MPP7: variants seen among roughly 807,000 people sequenced by gnomAD.
MPP7 encodes MAGUK p55 scaffold protein 7, also known as MAGUK p55 subfamily member 7.
MPP7 carries 60 observed loss-of-function variants against 76.5 expected under a neutral mutation model. That is an observed-to-expected ratio of 0.78 (90% CI 0.64 to 0.97). The LOEUF (loss-of-function observed/expected upper bound fraction) is 0.97, where lower values mean the gene tolerates loss of function less well. Among genes scored for constraint, MPP7 ranks in the 50% least tolerant of loss-of-function variants. The probability of loss-of-function intolerance (pLI) is 0.00; values close to 1 mark genes in which losing one functional copy is unlikely to be tolerated. For missense variants in MPP7, 641 were observed against 694.0 expected, an observed-to-expected ratio of 0.92 and a Z score of 0.86; for synonymous variants, 237 against 244.5, an observed-to-expected ratio of 0.97 and a Z score of 0.29.
intron 5 of MPP7, among the ~76,000 whole-genome samples, chr10:28,146,354 C>T (rs1220795645): frequency 6.6e-6 from 1 of 150,850 alleles, no homozygotes; most frequent in Non-Finnish European, 1.5e-5. Context: ...CTTACATTTA[C>T]TTATAGGGAT....
At chr10:28,325,038 A>T (rs1009138641) in intron 2 of MPP7, among the ~76,000 whole-genome samples, 50 of 152,262 alleles carry the variant, frequency 3.3e-4, no homozygotes, top group African/African-American at 1.2e-3. Context: ...GACTACAGAC[A>T]CATGCCACTT....
intron 3 of MPP7, among the ~76,000 whole-genome samples, chr10:28,165,424 T>G: frequency 6.6e-6 from 1 of 150,408 alleles, no homozygotes; most frequent in Non-Finnish European, 1.5e-5. Flanking sequence ...TTCTCAGGAG[T>G]CTTAGGTGGG....
chr10:28,072,191 T>C (rs902900198), intron 12 of MPP7, among the ~76,000 whole-genome samples: 1 of 152,070 alleles, frequency 6.6e-6, no homozygotes, highest in African/African-American at 2.4e-5. Flanking sequence ...GGAGAATTGC[T>C]TGAACCAGGG....
At chr10:28,299,933 A>AT (rs1410954650) in intron 1 of MPP7, among the ~76,000 whole-genome samples, 4 of 151,714 alleles carry the variant, frequency 2.6e-5, no homozygotes, top group African/African-American at 7.3e-5. Flanking sequence ...CGCCCGGCTA[A>AT]TTTTTTCTAT....
Position 28,054,220 on chromosome 10 carries a change from T to C in MPP7, c.1576A>G (p.Lys526Glu). 6.4e-7 allele frequency: 1 copy of C among 1,572,904 alleles called. No individual in the cohort carries two copies. Among genetic ancestry groups the C allele is most frequent in the Non-Finnish European group, 8.6e-7 (1 of 1,157,188 alleles). Residue 526 changes from lysine (K) to glutamate (E), a missense_variant, in exon 17 of 17, where the codon AAA (lysine) becomes GAA (glutamate). By Grantham distance (56) the Lys-to-Glu change is moderately conservative. Coordinates refer to ENST00000683449, the MANE Select transcript of MPP7 (RefSeq NM_001318170.2). The stretch of plus-strand genomic sequence containing the variant: ...TGACTTTCCATTATCTGTGCAGATT[T>C]AATCATTTCTTGAAAATCTTCTTCC... ...FTEEDFQEMI[K>E]SAQIMESQYG... is the part of the protein sequence containing the mutation.
At chr10:28,246,319 C>A (rs1839434139) in intron 1 of MPP7, among the ~76,000 whole-genome samples, 1 of 151,508 alleles carries the variant, frequency 6.6e-6, no homozygotes, top group African/African-American at 2.4e-5. Context: ...AAAAAAAAAT[C>A]TGCCAATCAA....
chr10:28,204,032 A>C (rs1437659151), intron 2 of MPP7, among the ~76,000 whole-genome samples: 3 of 152,236 alleles, frequency 2.0e-5, no homozygotes, highest in African/African-American at 7.2e-5. Flanking sequence ...AAAAGTGTGG[A>C]TCAAACACAG....
chr10:28,134,423 A>T (rs1396091722), intron 5 of MPP7, among the ~76,000 whole-genome samples: 2 of 152,116 alleles, frequency 1.3e-5, no homozygotes, highest in Non-Finnish European at 2.9e-5. Context: ...TATCAGTTAC[A>T]TGTGCTAGAA....
At position 28,202,334 on chromosome 10, in the gene MPP7, G is replaced by A; in HGVS notation, c.38-63C>T. ...AGTGATCTCATTAATTTCGCCTAAG[G>A]TGTGTGTAAATGACAGCTGGAACAT... On this transcript the variant is annotated intron_variant, in intron 2 of 16. Coordinates refer to ENST00000683449, the MANE Select transcript of MPP7 (RefSeq NM_001318170.2). 17 of 1,212,910 alleles carry A rather than the reference G, an allele frequency of 1.4e-5. 1 individual carries two copies. In the South Asian group the frequency reaches 2.0e-4, roughly 14 times the overall value. The allele number at this position is 1,212,910 out of a possible 1,614,324, so 75.1% of individuals were successfully genotyped here. A position where few individuals can be genotyped will look rare whatever the true frequency, so the allele number is the denominator to read the frequency against.
At chr10:28,142,810 C>T (rs1439808280) in intron 5 of MPP7, among the ~76,000 whole-genome samples, 1 of 152,132 alleles carries the variant, frequency 6.6e-6, no homozygotes, top group Admixed American at 6.5e-5. Flanking sequence ...GGGAAACAGG[C>T]CTTCTCATGC....
At chr10:28,143,821 T>C (rs569542712) in intron 5 of MPP7, among the ~76,000 whole-genome samples, 1 of 151,160 alleles carries the variant, frequency 6.6e-6, no homozygotes, top group South Asian at 2.1e-4. Flanking sequence ...CTTCCACCCA[T>C]CCCACACTCT....
chr10:28,250,766 A>G (rs1231209588), intron 1 of MPP7, among the ~76,000 whole-genome samples: 1 of 152,176 alleles, frequency 6.6e-6, no homozygotes, highest in Admixed American at 6.5e-5. Context: ...TGCTTCTTTG[A>G]ATTTGATCAC....
chr10:28,204,678 TA>T (rs1050543459), intron 2 of MPP7, among the ~76,000 whole-genome samples: 5 of 151,908 alleles, frequency 3.3e-5, no homozygotes, highest in South Asian at 2.1e-4. Context: ...AATGCTAACA[TA>T]AAAAAAATTA....
chr10:28,114,459 T>C (rs1261670980), intron 11 of MPP7, among the ~76,000 whole-genome samples: 1 of 151,756 alleles, frequency 6.6e-6, no homozygotes, highest in African/African-American at 2.4e-5. Flanking sequence ...ATAAATGTGC[T>C]GTCTTAAGAG....
At chr10:28,296,709 T>A (rs769936543) in intron 1 of MPP7, among the ~76,000 whole-genome samples, 2 of 152,336 alleles carry the variant, frequency 1.3e-5, no homozygotes, top group Non-Finnish European at 1.5e-5. Flanking sequence ...AGCAAGCTGA[T>A]AATGTTCTAG....
At chr10:28,109,105 T>C (rs780595182) in intron 11 of MPP7, among the ~76,000 whole-genome samples, 37 of 152,132 alleles carry the variant, frequency 2.4e-4, no homozygotes, top group Non-Finnish European at 4.4e-4. Context: ...CTGGCCAACA[T>C]GGCGAAACCC....
At chr10:28,199,180 C>T (rs1015145377) in intron 3 of MPP7, among the ~76,000 whole-genome samples, 1 of 152,008 alleles carries the variant, frequency 6.6e-6, no homozygotes, top group African/African-American at 2.4e-5. Context: ...AAACCACCCC[C>T]CACGATTCGA....
chr10:28,188,797 G>C (rs1311780237), intron 3 of MPP7, among the ~76,000 whole-genome samples: 1 of 151,988 alleles, frequency 6.6e-6, no homozygotes, highest in Non-Finnish European at 1.5e-5. Flanking sequence ...AGCAAAAAGA[G>C]AGTGGACTGA....
chr10:28,133,701 TACA>T lies in MPP7; in HGVS notation c.316-2013_316-2011del, dbSNP rs147037858. 7.5e-3 allele frequency among the ~76,000 whole-genome samples: 1,146 copies of T among 152,116 alleles called. 12 individuals carry two copies. Among genetic ancestry groups the T allele is most frequent in the African/African-American group, 0.024 (1,015 of 41,504 alleles). ...AAATAAACACCCCGAAAACAAGAAATACAACATTAACCAAACTCCAGTGGCCCC... is the reference window on the plus strand; with the variant it reads ...AAATAAACACCCCGAAAACAAGAAATACATTAACCAAACTCCAGTGGCCCC... On this transcript the variant is annotated intron_variant, in intron 5 of 16. Transcript: ENST00000683449.
Sources: gnomAD v4.1 joint callset for allele counts (sites outside exome capture counted in the v4.1 genomes callset) on GRCh38, gnomAD v4.1.1 for gene constraint, MANE v1.5 for transcripts, NCBI Gene and HGNC (gene_info 2026-07-23, HGNC 2026-07-21) for gene names.